The following GORAB variants were observed in gnomAD, a reference collection of about 807,000 sequenced individuals.
The protein encoded by GORAB is golgin, RAB6 interacting.
In GORAB, 17 loss-of-function variants were observed where a neutral mutation model predicts 29.9. The observed-to-expected ratio is 0.57, with a 90% CI of 0.39 to 0.85. The LOEUF is 0.85. GORAB is among the 40% of genes least tolerant of loss of function. The pLI, the probability that GORAB is intolerant of heterozygous loss-of-function variation, is 0.00. For synonymous variants in GORAB, 183 were observed against 157.2 expected, an observed-to-expected ratio of 1.16 and a Z score of -1.23; for missense variants, 442 against 437.8, an observed-to-expected ratio of 1.01 and a Z score of -0.09.
chr1:170,544,488 G>C (rs1649631822), intron 3 of GORAB, among the ~76,000 whole-genome samples: 1 of 152,026 alleles, frequency 6.6e-6, no homozygotes, highest in Non-Finnish European at 1.5e-5. Context: ...AGTTTTTTTA[G>C]ACTTATTTGT....
rs1398367672 is a variant in GORAB, at chr1:170,553,453, GA to G, written c.*993del. 4.5e-6 allele frequency: 2 copies of G among 443,108 alleles called. No individual in the cohort carries two copies. The highest frequency in any genetic ancestry group is 4.9e-5 in the Admixed American group (2 of 40,700). 27.4% of individuals were successfully genotyped at this position (443,108 alleles called of 1,614,324 possible). A position where few individuals can be genotyped will look rare whatever the true frequency, so the allele number is the denominator to read the frequency against. ...ATTGTAATTTTCTCACAAAGTCTGTGAATATCACATTATGATTTATTTATCA... is the reference window on the plus strand; with the variant it reads ...ATTGTAATTTTCTCACAAAGTCTGTGATATCACATTATGATTTATTTATCA... On this transcript the variant is annotated 3_prime_UTR_variant, in exon 5 of 5. Transcript: ENST00000367763.
intron 1 of GORAB, 50 bp from the exon 2 acceptor site, chr1:170,539,160 A>G (rs1409274392): frequency 1.2e-6 from 2 of 1,606,916 alleles, no homozygotes; most frequent in African/African-American, 2.7e-5. Flanking sequence ...AGGAATTATA[A>G]TTATTTGCTG....
intron 2 of GORAB, among the ~76,000 whole-genome samples, chr1:170,540,256 C>T (rs531390036): frequency 2.6e-5 from 4 of 152,122 alleles, no homozygotes; most frequent in African/African-American, 9.6e-5. Flanking sequence ...TTAGAAACAA[C>T]CTTCATAATT....
rs1287783349 is a variant in GORAB, at chr1:170,553,702, CATTTT to C, written c.*1242_*1246del. The C allele has an allele frequency of 6.7e-6, 3 of 449,780 alleles. No homozygotes were observed. The highest frequency in any genetic ancestry group is 1.3e-5 in the Non-Finnish European group (3 of 225,796). The allele number at this position is 449,780 out of a possible 1,614,324, so 27.9% of individuals were successfully genotyped here. ...TATGTAATTTGAGTTGAAAGTATAA[CATTTT>C]ACTACTGACTTCTCTAAACAGAAGC... On this transcript the variant is annotated 3_prime_UTR_variant, in exon 5 of 5. Coordinates refer to ENST00000367763, the MANE Select transcript of GORAB (RefSeq NM_152281.3).
At chr1:170,542,627 C>A in intron 3 of GORAB, 35 bp downstream of exon 3, 2 of 1,315,294 alleles carry the variant, frequency 1.5e-6, no homozygotes, top group South Asian at 1.2e-5. Context: ...CTGTTTGTAA[C>A]CTGTAACCAG....
intron 2 of GORAB, among the ~76,000 whole-genome samples, chr1:170,540,363 C>T (rs1649338540): frequency 1.3e-5 from 2 of 151,206 alleles, no homozygotes; most frequent in South Asian, 4.2e-4. Context: ...ACTCTTATTT[C>T]TTTGTTTGCT....
Position 170,532,173 on chromosome 1 carries a change from G to T in GORAB, c.-51G>T. On this transcript the variant is annotated 5_prime_UTR_variant, in exon 1 of 5. Transcript: ENST00000367763. ...GATGAGCTGGGCAGCAGTGTTGGCA[G>T]TCGCGGCTGCGAGATTTGGGCACTT... 2 of 1,613,570 alleles carry T rather than the reference G, an allele frequency of 1.2e-6. No individual in the cohort carries two copies. Among genetic ancestry groups the T allele is most frequent in the Non-Finnish European group, 1.7e-6 (2 of 1,180,038 alleles).
At chr1:170,546,430 G>T (rs1649768939) in intron 4 of GORAB, among the ~76,000 whole-genome samples, 1 of 151,778 alleles carries the variant, frequency 6.6e-6, no homozygotes, top group Non-Finnish European at 1.5e-5. Flanking sequence ...TTTTAATTTT[G>T]TCCTAGTGGA....
Position 170,552,252 on chromosome 1 carries a change from A to C in GORAB, c.900A>C (p.Ser300=). ...ERLLHEQEVE[S]RRPVVRLERP... The stretch of plus-strand genomic sequence containing the variant: ...TGCTACACGAACAAGAAGTAGAATC[A>C]AGGAGACCAGTGGTTCGTTTAGAGA... Residue 300 remains serine, a synonymous_variant, in exon 5 of 5, where the codon TCA becomes TCC. Transcript: ENST00000367763. The C allele has an allele frequency of 6.2e-7, 1 of 1,614,144 alleles. No individual in the cohort carries two copies. The highest frequency in any genetic ancestry group is 8.5e-7 in the Non-Finnish European group (1 of 1,179,986).
intron 3 of GORAB, among the ~76,000 whole-genome samples, chr1:170,543,282 C>T (rs957545422): frequency 6.6e-6 from 1 of 152,170 alleles, no homozygotes; most frequent in Non-Finnish European, 1.5e-5. Flanking sequence ...TGTCTAATCT[C>T]CTGTGGCCTT....
intron 2 of GORAB, among the ~76,000 whole-genome samples, chr1:170,540,737 G>A (rs2101822657): frequency 6.6e-6 from 1 of 152,298 alleles, no homozygotes; most frequent in South Asian, 2.1e-4. Flanking sequence ...TGGATACTTG[G>A]AAGAATTTTC....
At chr1:170,532,678 G>T in intron 1 of GORAB, 1 of 213,006 alleles carries the variant, frequency 4.7e-6, no homozygotes, top group African/African-American at 2.3e-5. Flanking sequence ...TATTAGAATT[G>T]TGATGAATTT....
intron 2 of GORAB, 109 bp downstream of exon 2, chr1:170,539,676 TATTC>T: frequency 8.5e-7 from 1 of 1,171,648 alleles, no homozygotes; most frequent in East Asian, 2.5e-5. Context: ...CTCTCCTTTA[TATTC>T]ATTCAATCAT....
In GORAB at chr1:170,536,039, A is replaced by G. The variant is rs530165403; in HGVS notation, c.62-3171A>G. Among the ~76,000 whole-genome samples the G allele has an allele frequency of 9.2e-5, 14 of 152,266 alleles. No individual in the cohort carries two copies. In the South Asian group the frequency reaches 2.9e-3, roughly 32 times the overall value. ...TTAATAATTTTACCAAATTTAATGG[A>G]AAACCCATTAGGAATTTTGATTGTA... is the stretch of plus-strand genomic sequence containing the variant. On this transcript the variant is annotated intron_variant, in intron 1 of 4. Coordinates refer to ENST00000367763, the MANE Select transcript of GORAB (RefSeq NM_152281.3).
intron 1 of GORAB, among the ~76,000 whole-genome samples, chr1:170,535,588 T>C (rs1329847189): frequency 6.6e-6 from 1 of 152,236 alleles, no homozygotes; most frequent in African/African-American, 2.4e-5. Context: ...TTGCCCAGGC[T>C]GAAGTGCAGT....
intron 4 of GORAB, among the ~76,000 whole-genome samples, chr1:170,551,432 A>G (rs761407826): frequency 2.0e-5 from 3 of 152,040 alleles, no homozygotes; most frequent in Non-Finnish European, 2.9e-5. Context: ...TCTCCCGACC[A>G]CTGTCCGTAT....
At position 170,543,355 on chromosome 1, in the gene GORAB, T is replaced by C. The variant is rs1649557767; in HGVS notation, c.521+763T>C. ...ATAGTGAAAACTAAATGCAAGGAAGTACATTTTCTTTTTAGACTTCCAGAA... is the reference window on the plus strand; with the variant it reads ...ATAGTGAAAACTAAATGCAAGGAAGCACATTTTCTTTTTAGACTTCCAGAA... On this transcript the variant is annotated intron_variant, in intron 3 of 4. Transcript: ENST00000367763. Among the ~76,000 whole-genome samples the C allele has an allele frequency of 2.0e-5, 3 of 152,214 alleles. No homozygotes were observed. In the South Asian group the frequency reaches 6.2e-4, roughly 32 times the overall value.
intron 4 of GORAB, among the ~76,000 whole-genome samples, chr1:170,548,683 T>C (rs1445274043): frequency 6.6e-6 from 1 of 152,236 alleles, no homozygotes; most frequent in East Asian, 1.9e-4. Context: ...TGATAAGTTA[T>C]TGCATCATCC....
At chr1:170,539,019 C>T (rs898563787) in intron 1 of GORAB, 191 bp from the exon 2 acceptor site, 6 of 651,088 alleles carry the variant, frequency 9.2e-6, no homozygotes, top group Non-Finnish European at 1.6e-5. Context: ...TAAATATTAA[C>T]ATTATGATCT....
Sources: allele counts gnomAD v4.1 joint callset (sites outside exome capture counted in the v4.1 genomes callset), GRCh38; gene constraint gnomAD v4.1.1; transcripts MANE v1.5; gene names NCBI Gene and HGNC (gene_info 2026-07-23, HGNC 2026-07-21).